RAD51B: variants seen among roughly 807,000 people sequenced by gnomAD.
RAD51B encodes the protein DNA repair protein RAD51 homolog 2.
A neutral mutation model predicts 42.2 loss-of-function variants in RAD51B; 38 were observed. The ratio of observed to expected loss-of-function variants is 0.90; its 90% CI spans 0.70 to 1.18. RAD51B has a LOEUF of 1.18. RAD51B is among the 50% of genes most tolerant of loss of function. The pLI is 0.00. For missense variants in RAD51B, 373 were observed against 400.7 expected (o/e 0.93, Z 0.59); for synonymous variants, 154 against 145.2 (o/e 1.06, Z -0.43).
intron 10 of RAD51B, among the ~76,000 whole-genome samples, chr14:68,645,386 T>A (rs572289816): frequency 1.2e-4 from 19 of 152,372 alleles, no homozygotes; most frequent in African/African-American, 4.3e-4. Flanking sequence ...ATTATGCTTA[T>A]CCATTCATTC....
intron 7 of RAD51B, among the ~76,000 whole-genome samples, chr14:67,930,660 G>A (rs1196106172): frequency 6.6e-6 from 1 of 152,102 alleles, no homozygotes; most frequent in African/African-American, 2.4e-5. Context: ...TGAATACAAT[G>A]TGTCATGGAG....
intron 7 of RAD51B, among the ~76,000 whole-genome samples, chr14:68,075,047 A>G (rs2076809834): frequency 6.6e-6 from 1 of 152,166 alleles, no homozygotes; most frequent in African/African-American, 2.4e-5. Context: ...CTCCCTCCCA[A>G]GCTTGGAACC....
At position 68,247,419 on chromosome 14, in the gene RAD51B, T is replaced by G. The variant is rs58116687; in HGVS notation, c.757-44465T>G. 2.0e-5 allele frequency among the ~76,000 whole-genome samples: 3 copies of G among 152,332 alleles called. No homozygotes were observed. The East Asian group carries it at 5.8e-4, about 29-fold the overall frequency. ...TGGTTATTTTGTTTACCTCTTACTT[T>G]TTGCCCATTTGGAAACTGAAATTGC... is the stretch of plus-strand genomic sequence containing the variant. On this transcript the variant is annotated intron_variant, in intron 7 of 10. Transcript: ENST00000471583.
intron 10 of RAD51B, among the ~76,000 whole-genome samples, chr14:68,508,209 TC>T (rs967372210): frequency 6.6e-6 from 1 of 152,110 alleles, no homozygotes; most frequent in African/African-American, 2.4e-5. Flanking sequence ...TTATACTTGG[TC>T]CCTGCTTGGT....
intron 7 of RAD51B, among the ~76,000 whole-genome samples, chr14:68,262,822 C>G (rs1455607754): frequency 6.6e-6 from 1 of 152,202 alleles, no homozygotes; most frequent in Non-Finnish European, 1.5e-5. Flanking sequence ...GCTAAATTCC[C>G]TCTTGTTTAT....
At chr14:68,524,350 G>A (rs1886787770) in intron 10 of RAD51B, among the ~76,000 whole-genome samples, 2 of 152,274 alleles carry the variant, frequency 1.3e-5, no homozygotes, top group South Asian at 4.2e-4. Flanking sequence ...ACTGAGAGAT[G>A]GCCAGAGAAG....
intron 10 of RAD51B, among the ~76,000 whole-genome samples, chr14:68,542,711 A>T (rs534141475): frequency 4.6e-5 from 7 of 152,326 alleles, no homozygotes; most frequent in African/African-American, 1.7e-4. Flanking sequence ...ATAAGTTCAA[A>T]TTCTAGTACT....
intron 7 of RAD51B, among the ~76,000 whole-genome samples, chr14:67,983,805 A>G (rs1021043208): frequency 2.7e-5 from 4 of 149,768 alleles, no homozygotes; most frequent in Non-Finnish European, 5.9e-5. Context: ...ATAATGGCAA[A>G]TAAGTGGCCT....
intron 7 of RAD51B, among the ~76,000 whole-genome samples, chr14:68,009,503 A>G (rs1385269211): frequency 6.6e-6 from 1 of 151,972 alleles, no homozygotes; most frequent in Non-Finnish European, 1.5e-5. Flanking sequence ...ACAGTAATGT[A>G]AAATCCTGGA....
In RAD51B at chr14:67,864,995, T is replaced by TTTTTTTTTA; in HGVS notation, c.316-3_316-2insTTTATTTTT. On this transcript the variant is annotated splice_region_variant and splice_polypyrimidine_tract_variant and intron_variant, in intron 4 of 10. Coordinates refer to ENST00000471583, the MANE Select transcript of RAD51B (RefSeq NM_133510.4). ...TTTTTTTTTTTTTTTTTTTTTTTTT[T>TTTTTTTTTA]TTTTTAGATTACAGGTCCACCAGGT... The TTTTTTTTTA allele has an allele frequency of 7.4e-7, 1 of 1,346,966 alleles. No homozygotes were observed. Among genetic ancestry groups the TTTTTTTTTA allele is most frequent in the Non-Finnish European group, 9.5e-7 (1 of 1,057,982 alleles). The allele number at this position is 1,346,966 out of a possible 1,614,324, so 83.4% of individuals were successfully genotyped here. A position where few individuals can be genotyped will look rare whatever the true frequency, so the allele number is the denominator to read the frequency against.
At chr14:68,560,668 G>A (rs1418213782) in intron 10 of RAD51B, among the ~76,000 whole-genome samples, 5 of 152,090 alleles carry the variant, frequency 3.3e-5, no homozygotes, top group Non-Finnish European at 7.4e-5. Flanking sequence ...CCCGGGAGGC[G>A]GAGGTTGCAG....
intron 10 of RAD51B, chr14:68,498,004 T>C (rs1328116051): frequency 5.6e-6 from 1 of 177,520 alleles, no homozygotes; most frequent in Admixed American, 6.3e-5. Flanking sequence ...TGAAACCTAT[T>C]TTCAATTTTT....
At chr14:68,545,193 CTT>C in intron 10 of RAD51B, among the ~76,000 whole-genome samples, 1 of 152,326 alleles carries the variant, frequency 6.6e-6, no homozygotes, top group Middle Eastern at 3.4e-3. Flanking sequence ...GTTCATTATT[CTT>C]TGCTTTGCTT....
chr14:68,020,441 G>C (rs948030263), intron 7 of RAD51B, among the ~76,000 whole-genome samples: 1 of 151,940 alleles, frequency 6.6e-6, no homozygotes, highest in Admixed American at 6.6e-5. Context: ...AACTCTCAGC[G>C]TCTTTTAAAA....
intron 10 of RAD51B, among the ~76,000 whole-genome samples, chr14:68,530,013 G>C (rs1887175423): frequency 6.6e-6 from 1 of 152,286 alleles, no homozygotes; most frequent in Middle Eastern, 3.4e-3. Flanking sequence ...TTAGTGAATA[G>C]GAAGATAGTA....
chr14:68,663,029 G>A (rs1170318539), intron 11 of RAD51B, among the ~76,000 whole-genome samples: 1 of 152,232 alleles, frequency 6.6e-6, no homozygotes, highest in African/African-American at 2.4e-5. Context: ...GGCCAGGCGT[G>A]GTGGGTCACC....
At chr14:68,224,682 A>T (rs2140970367) in intron 7 of RAD51B, among the ~76,000 whole-genome samples, 1 of 152,202 alleles carries the variant, frequency 6.6e-6, no homozygotes, top group African/African-American at 2.4e-5. Flanking sequence ...ACAACAAAAG[A>T]CATCTTAAAA....
intron 7 of RAD51B, among the ~76,000 whole-genome samples, chr14:68,071,918 A>G (rs1359965399): frequency 6.7e-6 from 1 of 150,004 alleles, no homozygotes; most frequent in Non-Finnish European, 1.5e-5. Flanking sequence ...TTTTTGTATT[A>G]CCGATTCAAT....
chr14:68,083,380 A>T (rs1388661638), intron 7 of RAD51B, among the ~76,000 whole-genome samples: 1 of 151,404 alleles, frequency 6.6e-6, no homozygotes, highest in Non-Finnish European at 1.5e-5. Context: ...AGGTTTGTTG[A>T]CTTATGTCAG....
Sources: gnomAD v4.1 joint callset for allele counts (sites outside exome capture counted in the v4.1 genomes callset) on GRCh38, gnomAD v4.1.1 for gene constraint, MANE v1.5 for transcripts, NCBI Gene and HGNC (gene_info 2026-07-23, HGNC 2026-07-21) for gene names.